The following MTX3 variants were observed in gnomAD, a reference collection of about 807,000 sequenced individuals.
MTX3 encodes the protein metaxin-3.
In MTX3, 27 loss-of-function variants were observed where a neutral mutation model predicts 42.5. That is an observed-to-expected ratio of 0.64 (90% CI 0.47 to 0.88). The LOEUF (loss-of-function observed/expected upper bound fraction) is 0.88. Ranked by LOEUF, MTX3 falls within the 40% of genes least tolerant of loss-of-function variation. MTX3 has a pLI of 0.00. For missense variants in MTX3, 378 were observed against 367.0 expected, an observed-to-expected ratio of 1.03 and a Z score of -0.25; for synonymous variants, 144 against 132.9, an observed-to-expected ratio of 1.08 and a Z score of -0.57.
intron 4 of MTX3, 128 bp from the exon 5 acceptor site, chr5:79,988,772 T>C: frequency 1.2e-6 from 1 of 841,572 alleles, no homozygotes; most frequent in South Asian, 1.9e-5. Flanking sequence ...CCAGTTAGAA[T>C]GACTCAGGAT....
Position 79,989,158 on chromosome 5 carries a change from A to C in MTX3, c.315T>G (p.Pro105=). Residue 105 remains proline (P), a synonymous_variant, in exon 4 of 9, where the codon CCT becomes CCG. Coordinates refer to ENST00000512528, the MANE Select transcript of MTX3 (RefSeq NM_001363818.2). Reference sequence around the variant, plus strand: ...AATATTTAAGAACACTCACCACTGCAGGGAGAAGCTTCTCTTCGAGGAGAG... The same window carrying C: ...AATATTTAAGAACACTCACCACTGCCGGGAGAAGCTTCTCTTCGAGGAGAG... ...YIALLEEKLL[P]AVLHTFWVES... is the part of the protein sequence containing the mutation. 6.2e-7 allele frequency: 1 copy of C among 1,600,498 alleles called. No individual in the cohort carries two copies. Among genetic ancestry groups the C allele is most frequent in the South Asian group, 1.1e-5 (1 of 88,274 alleles).
At chr5:79,987,969 C>T (rs970804059) in intron 6 of MTX3, among the ~76,000 whole-genome samples, 3 of 152,124 alleles carry the variant, frequency 2.0e-5, no homozygotes, top group African/African-American at 7.2e-5. Flanking sequence ...GTGCCCACCA[C>T]CACACGCAGC....
Position 79,983,558 on chromosome 5 carries a change from G to C in MTX3, c.*126C>G, listed in dbSNP as rs768169249. On this transcript the variant is annotated 3_prime_UTR_variant, in exon 9 of 9. Coordinates refer to ENST00000512528, the MANE Select transcript of MTX3 (RefSeq NM_001363818.2). ...AATAATAGTAAAAATAGATGGCATA[G>C]AAAGTTCCTTTTGGTTTAGAGTCTT... The C allele has an allele frequency of 6.3e-5, 43 of 687,966 alleles. No individual in the cohort carries two copies. Among genetic ancestry groups the C allele is most frequent in the Non-Finnish European group, 8.6e-5 (33 of 382,538 alleles). 42.6% of individuals were successfully genotyped at this position (687,966 alleles called of 1,614,324 possible).
intron 3 of MTX3, 140 bp downstream of exon 3, chr5:79,990,020 C>T (rs1022144677): frequency 1.1e-4 from 52 of 493,630 alleles, no homozygotes; most frequent in African/African-American, 8.8e-4. Context: ...AGCAGTGATT[C>T]TCAAATCTAT....
chr5:79,984,990 T>C (rs1176595447), intron 8 of MTX3, among the ~76,000 whole-genome samples: 1 of 152,114 alleles, frequency 6.6e-6, no homozygotes, highest in East Asian at 1.9e-4. Flanking sequence ...TGTTTTTTTT[T>C]GTGTTTTTTC....
intron 8 of MTX3, among the ~76,000 whole-genome samples, chr5:79,985,182 C>T (rs190039925): frequency 0.012 from 1,835 of 152,064 alleles, 45 homozygotes; most frequent in African/African-American, 0.042. Flanking sequence ...GGGGTTTCGC[C>T]GTATAAGCCA....
Position 79,983,772 on chromosome 5 carries a change from C to T in MTX3, c.851G>A (p.Ser284Asn). The change falls in exon 9 of 9, where the codon AGC (serine) becomes AAC (asparagine). Residue 284 changes from serine (S) to asparagine (N), a missense_variant. Physicochemically the swap from Ser to Asn is conservative, Grantham distance 46. Transcript: ENST00000512528. ...IEKMDDNLRQSPQLPPRKLPT... is the reference protein window; with the variant it reads ...IEKMDDNLRQNPQLPPRKLPT... The stretch of plus-strand genomic sequence containing the variant: ...CAGTTTCCGAGGAGGAAGCTGAGGG[C>T]TTTGGCGAAGATTGTCATCCATCTG... 2.5e-6 allele frequency: 4 copies of T among 1,613,422 alleles called. No individual in the cohort carries two copies. The highest frequency in any genetic ancestry group is 1.7e-4 in the Middle Eastern group (1 of 6,054).
chr5:79,985,209 A>G (rs1434777816), intron 8 of MTX3, among the ~76,000 whole-genome samples: 3 of 152,012 alleles, frequency 2.0e-5, no homozygotes, highest in Non-Finnish European at 1.5e-5. Flanking sequence ...TCTCGATCTC[A>G]TGACCTCATG....
chr5:79,991,140 C>G lies in MTX3; in HGVS notation c.81+18G>C. 4 of 1,545,704 alleles carry G rather than the reference C, an allele frequency of 2.6e-6. No individual in the cohort carries two copies. The highest frequency in any genetic ancestry group is 3.5e-6 in the Non-Finnish European group (4 of 1,143,714). ...CCCGCCCCTTCCTCCTGCGCCCTGG[C>G]CCGCGAGGCGGCCTCACCATCACCA... On this transcript the variant is annotated intron_variant, in intron 1 of 8. Transcript: ENST00000512528.
At chr5:79,984,989 TTG>T (rs1491081870) in intron 8 of MTX3, among the ~76,000 whole-genome samples, 6 of 152,128 alleles carry the variant, frequency 3.9e-5, no homozygotes, top group African/African-American at 1.4e-4. Context: ...TTGTTTTTTT[TTG>T]TGTTTTTTCT....
At chr5:79,986,123 T>C (rs1831484147) in intron 7 of MTX3, among the ~76,000 whole-genome samples, 1 of 152,084 alleles carries the variant, frequency 6.6e-6, no homozygotes, top group African/African-American at 2.4e-5. Flanking sequence ...ATTCCTAGGA[T>C]TGATGCCTAA....
At chr5:79,986,166 C>A (rs185231665) in intron 7 of MTX3, among the ~76,000 whole-genome samples, 3 of 152,148 alleles carry the variant, frequency 2.0e-5, no homozygotes, top group Admixed American at 2.0e-4. Flanking sequence ...GGAATAGGAC[C>A]CAAGATTTTT....
chr5:79,984,837 A>G (rs1196937113), intron 8 of MTX3, among the ~76,000 whole-genome samples: 1 of 152,196 alleles, frequency 6.6e-6, no homozygotes, highest in African/African-American at 2.4e-5. Context: ...GAAGAACAAG[A>G]AGGAGAAAAA....
intron 6 of MTX3, among the ~76,000 whole-genome samples, chr5:79,987,440 CAAAA>C (rs397884673): frequency 4.7e-5 from 4 of 85,132 alleles, no homozygotes; most frequent in Non-Finnish European, 4.7e-5. Flanking sequence ...GACTCCATCT[CAAAA>C]AAAAAAAAAA....
At chr5:79,988,116 TA>T in intron 6 of MTX3, 122 bp downstream of exon 6, 1 of 672,414 alleles carries the variant, frequency 1.5e-6, no homozygotes, top group Non-Finnish European at 2.6e-6. Flanking sequence ...CACACCGGCC[TA>T]AATCTTGTTT....
chr5:79,980,910 C>T lies in MTX3; in HGVS notation c.*2774G>A, dbSNP rs2151138899. ...TTTTGGCCGGGCGCAGTGGCTCACG[C>T]CTGTAATCCCAGCACTTTGGGAGGC... On this transcript the variant is annotated 3_prime_UTR_variant, in exon 9 of 9. Coordinates refer to ENST00000512528, the MANE Select transcript of MTX3 (RefSeq NM_001363818.2). 1 of 152,538 alleles carries T rather than the reference C, an allele frequency of 6.6e-6. No homozygotes were observed. The highest frequency in any genetic ancestry group is 1.9e-4 in the East Asian group (1 of 5,194). 9.4% of individuals were successfully genotyped at this position (152,538 alleles called of 1,614,324 possible).
intron 4 of MTX3, 106 bp downstream of exon 4, chr5:79,989,046 T>C (rs1247900808): frequency 4.2e-6 from 3 of 707,942 alleles, no homozygotes; most frequent in African/African-American, 1.8e-5. Flanking sequence ...GATTAACATA[T>C]AAGTAAAATT....
intron 2 of MTX3, 94 bp downstream of exon 2, chr5:79,990,500 A>T: frequency 2.3e-6 from 2 of 854,830 alleles, no homozygotes; most frequent in Non-Finnish European, 3.6e-6. Flanking sequence ...GTAAGAAACT[A>T]AATCCTCAAT....
At chr5:79,985,374 TC>T (rs1489597069) in intron 8 of MTX3, among the ~76,000 whole-genome samples, 196 bp downstream of exon 8, 1 of 152,052 alleles carries the variant, frequency 6.6e-6, no homozygotes, top group Admixed American at 6.6e-5. Flanking sequence ...ATCTGATCTT[TC>T]CCCAATCAGG....
Sources: allele counts gnomAD v4.1 joint callset (sites outside exome capture counted in the v4.1 genomes callset), GRCh38; gene constraint gnomAD v4.1.1; transcripts MANE v1.5; gene names NCBI Gene and HGNC (gene_info 2026-07-23, HGNC 2026-07-21).